The following TIAM1 variants were observed in gnomAD, a reference collection of about 807,000 sequenced individuals.
The protein encoded by TIAM1 is rho guanine nucleotide exchange factor TIAM1.
TIAM1 carries 65 observed loss-of-function variants against 163.5 expected under a neutral mutation model. The observed-to-expected ratio is 0.40, with a 90% confidence interval of 0.33 to 0.49. The LOEUF (loss-of-function observed/expected upper bound fraction) is 0.49, where lower values mean the gene tolerates loss of function less well. Among genes scored for constraint, TIAM1 ranks in the 20% least tolerant of loss-of-function variants. TIAM1 has a pLI of 0.77. For missense variants in TIAM1, 1,789 were observed against 2,044.7 expected (o/e 0.87, Z 2.41); for synonymous variants, 833 against 810.1 (o/e 1.03, Z -0.48).
chr21:31,397,015 A>T (rs2077084658), intron 2 of TIAM1, among the ~76,000 whole-genome samples: 1 of 152,156 alleles, frequency 6.6e-6, no homozygotes, highest in Admixed American at 6.5e-5. Flanking sequence ...AAGAAACCAA[A>T]GCAAAGGGAT....
At chr21:31,546,304 C>T (rs904123730) in intron 1 of TIAM1, among the ~76,000 whole-genome samples, 2 of 151,800 alleles carry the variant, frequency 1.3e-5, no homozygotes, top group Non-Finnish European at 2.9e-5. Context: ...GTAATCTCAG[C>T]ACTTTGGGAG....
intron 1 of TIAM1, among the ~76,000 whole-genome samples, chr21:31,550,340 A>G (rs923683417): frequency 6.6e-6 from 1 of 152,182 alleles, no homozygotes; most frequent in Non-Finnish European, 1.5e-5. Flanking sequence ...CACACTACAG[A>G]TGAACCTTGA....
At chr21:31,558,810 G>A (rs1025115926) in intron 1 of TIAM1, 2 of 152,134 alleles carry the variant, frequency 1.3e-5, no homozygotes, top group Non-Finnish European at 2.9e-5. Context: ...CCCAGTGTGC[G>A]GGAGACGGGG....
rs149560702 is a variant in TIAM1, at chr21:31,364,362, A to G, written c.-368-24940T>C. Reference sequence around the variant, plus strand: ...CTTACAGCTTAATGAATGAGGCACCATTTCTCAAACTAAGATTGTGATCAA... The same window carrying G: ...CTTACAGCTTAATGAATGAGGCACCGTTTCTCAAACTAAGATTGTGATCAA... On this transcript the variant is annotated intron_variant, in intron 2 of 28. Transcript: ENST00000286827. Among the ~76,000 whole-genome samples the G allele has an allele frequency of 4.2e-3, 644 of 152,288 alleles. 5 individuals carry two copies. Among genetic ancestry groups the G allele is most frequent in the African/African-American group, 0.015 (610 of 41,552 alleles).
At chr21:31,331,820 T>C (rs1013826426) in intron 2 of TIAM1, among the ~76,000 whole-genome samples, 1 of 152,210 alleles carries the variant, frequency 6.6e-6, no homozygotes. Flanking sequence ...GATTTCAGTC[T>C]GATTTCAAAC....
At chr21:31,170,866 T>C (rs2084470799) in intron 15 of TIAM1, among the ~76,000 whole-genome samples, 1 of 151,492 alleles carries the variant, frequency 6.6e-6, no homozygotes, top group Non-Finnish European at 1.5e-5. Flanking sequence ...TGAAACCCCA[T>C]CTCTACTAAA....
chr21:31,129,488 G>A (rs1229044388), intron 25 of TIAM1, among the ~76,000 whole-genome samples: 2 of 152,144 alleles, frequency 1.3e-5, no homozygotes, highest in Admixed American at 1.3e-4. Flanking sequence ...AGCCTAGCCT[G>A]GGCAAAATAG....
In TIAM1 at chr21:31,295,528, T is replaced by A. The variant is rs1269761376; in HGVS notation, c.-188-18620A>T. On this transcript the variant is annotated intron_variant, in intron 2 of 27. Transcript: ENST00000541036. ...ATTTGGGTGGGTAGCAATGAAGACATGAGATGGGGACCCCAAAAATGTAAT... is the reference window on the plus strand; with the variant it reads ...ATTTGGGTGGGTAGCAATGAAGACAAGAGATGGGGACCCCAAAAATGTAAT... Among the ~76,000 whole-genome samples the A allele has an allele frequency of 4.3e-5, 6 of 141,032 alleles. No homozygotes were observed. The East Asian group carries it at 1.3e-3, about 31-fold the overall frequency. 92.5% of individuals were successfully genotyped at this position (141,032 alleles called of 152,430 possible).
At chr21:31,253,999 C>G (rs749894807) in intron 4 of TIAM1, among the ~76,000 whole-genome samples, 27 of 152,082 alleles carry the variant, frequency 1.8e-4, no homozygotes, top group Admixed American at 1.2e-3. Flanking sequence ...GTGAATTTTC[C>G]AAACTTTTGG....
chr21:31,373,364 A>C (rs1274449990), intron 2 of TIAM1, among the ~76,000 whole-genome samples: 1 of 152,080 alleles, frequency 6.6e-6, no homozygotes, highest in Non-Finnish European at 1.5e-5. Flanking sequence ...CTGGGAACAA[A>C]GAGAGGTTTA....
chr21:31,261,857 C>A (rs775385992), intron 4 of TIAM1, among the ~76,000 whole-genome samples: 1 of 152,154 alleles, frequency 6.6e-6, no homozygotes, highest in Non-Finnish European at 1.5e-5. Context: ...AGGGACGCTC[C>A]GAGAGCCGGG....
intron 1 of TIAM1, among the ~76,000 whole-genome samples, chr21:31,554,659 C>T (rs529129271): frequency 1.3e-5 from 2 of 152,310 alleles, no homozygotes; most frequent in Admixed American, 1.3e-4. Flanking sequence ...GTTTAACATC[C>T]TCTGAAAGCA....
At position 31,199,910 on chromosome 21, in the gene TIAM1, TA is replaced by T. The variant is rs113858336; in HGVS notation, c.2493+2997del. Among the ~76,000 whole-genome samples the T allele has an allele frequency of 6.6e-3, 868 of 130,868 alleles. 7 individuals carry two copies. Among genetic ancestry groups the T allele is most frequent in the African/African-American group, 0.014 (484 of 35,478 alleles). The allele number at this position is 130,868 out of a possible 152,430, so 85.9% of individuals were successfully genotyped here. On this transcript the variant is annotated intron_variant, in intron 12 of 27. Transcript: ENST00000541036. ...CACTCACCCTGTTCGAACATCACATTAAAAAAAAAAAAAAACACACAAAAAA... is the reference window on the plus strand; with the variant it reads ...CACTCACCCTGTTCGAACATCACATTAAAAAAAAAAAAAACACACAAAAAA...
intron 2 of TIAM1, among the ~76,000 whole-genome samples, chr21:31,350,573 G>C (rs767024468): frequency 1.3e-5 from 2 of 152,036 alleles, no homozygotes; most frequent in Admixed American, 1.3e-4. Context: ...GTCAGTTCTC[G>C]CAAGATCTGG....
chr21:31,431,722 T>G (rs2044035239), intron 2 of TIAM1, among the ~76,000 whole-genome samples: 1 of 152,240 alleles, frequency 6.6e-6, no homozygotes, highest in Admixed American at 6.5e-5. Context: ...AGCCTTTTGC[T>G]TGTAGGCCAA....
intron 4 of TIAM1, among the ~76,000 whole-genome samples, chr21:31,263,753 G>C (rs2072608419): frequency 6.6e-6 from 1 of 152,134 alleles, no homozygotes; most frequent in Admixed American, 6.5e-5. Flanking sequence ...AGTCCAAGGT[G>C]ATGTTCTGTT....
At chr21:31,268,086 G>A (rs1249864736) in intron 3 of TIAM1, among the ~76,000 whole-genome samples, 2 of 152,084 alleles carry the variant, frequency 1.3e-5, no homozygotes, top group Non-Finnish European at 2.9e-5. Context: ...TTAAGATAAC[G>A]CACATGAAAA....
rs1406686583 is a variant in TIAM1 at position 31,297,841 on chromosome 21, G to C, written c.-188-20933C>G. On this transcript the variant is annotated intron_variant, in intron 2 of 27. Transcript: ENST00000541036. ...ACTCAGAGGGCTATGAAGAGGGAGG[G>C]GTGCAACTTAATGAAATTCTTTATG... Among the ~76,000 whole-genome samples the C allele has an allele frequency of 6.6e-5, 10 of 152,128 alleles. No individual in the cohort carries two copies. The East Asian group carries it at 1.7e-3, about 27-fold the overall frequency.
chr21:31,163,643 AG>A, intron 16 of TIAM1, among the ~76,000 whole-genome samples: 1 of 152,332 alleles, frequency 6.6e-6, no homozygotes, highest in East Asian at 1.9e-4. Context: ...ATACACATAC[AG>A]GGGGAATCAA....
Sources: allele counts gnomAD v4.1 joint callset (sites outside exome capture counted in the v4.1 genomes callset), GRCh38; gene constraint gnomAD v4.1.1; transcripts MANE v1.5; gene names NCBI Gene and HGNC (gene_info 2026-07-23, HGNC 2026-07-21).